Variants in CNTN4 observed in about 807,000 individuals in gnomAD.
CNTN4 encodes the protein contactin-4.
CNTN4 carries 77 observed loss-of-function variants against 122.5 expected under a neutral mutation model. The ratio of observed to expected loss-of-function variants is 0.63; its 90% CI spans 0.52 to 0.76. CNTN4 has a LOEUF of 0.76. Ranked by LOEUF, CNTN4 falls within the 30% of genes least tolerant of loss-of-function variation. The probability of loss-of-function intolerance (pLI) is 0.00; values close to 1 mark genes in which losing one functional copy is unlikely to be tolerated. For missense variants in CNTN4, 1,256 were observed against 1,259.1 expected (o/e 1.00, Z 0.04); for synonymous variants, 512 against 447.0 (o/e 1.15, Z -1.83).
chr3:2,193,467 C>G (rs528533335), intron 2 of CNTN4, among the ~76,000 whole-genome samples: 1 of 152,172 alleles, frequency 6.6e-6, no homozygotes, highest in East Asian at 1.9e-4. Flanking sequence ...ATGCTGGAAA[C>G]TTTTACTGGT....
chr3:2,700,629 T>C (rs963307705), intron 4 of CNTN4, among the ~76,000 whole-genome samples: 6 of 140,240 alleles, frequency 4.3e-5, no homozygotes, highest in Non-Finnish European at 9.1e-5. Flanking sequence ...TTCACTGAGA[T>C]AGAGTTAAAA....
At chr3:2,934,555 G>A (rs571825088) in intron 13 of CNTN4, among the ~76,000 whole-genome samples, 1 of 152,380 alleles carries the variant, frequency 6.6e-6, no homozygotes, top group Admixed American at 6.5e-5. Flanking sequence ...TATTTGCCCA[G>A]AAGGCCGATG....
intron 13 of CNTN4, among the ~76,000 whole-genome samples, chr3:2,984,991 G>T (rs1267755377): frequency 1.3e-5 from 2 of 152,204 alleles, no homozygotes; most frequent in African/African-American, 4.8e-5. Flanking sequence ...TTTTGTCAGT[G>T]CATCTGCTCC....
At chr3:3,002,582 T>C (rs1696160836) in intron 14 of CNTN4, among the ~76,000 whole-genome samples, 1 of 152,178 alleles carries the variant, frequency 6.6e-6, no homozygotes, top group African/African-American at 2.4e-5. Context: ...CAAAGAACAG[T>C]GAACTGAGGT....
At chr3:2,341,048 T>G (rs1257418196) in intron 3 of CNTN4, among the ~76,000 whole-genome samples, 1 of 152,106 alleles carries the variant, frequency 6.6e-6, no homozygotes, top group Non-Finnish European at 1.5e-5. Context: ...GCAACATTAT[T>G]CCAAGATACT....
chr3:2,909,936 T>C (rs960548365), intron 12 of CNTN4, among the ~76,000 whole-genome samples: 1 of 152,146 alleles, frequency 6.6e-6, no homozygotes, highest in Non-Finnish European at 1.5e-5. Context: ...CAGAGGGCTT[T>C]TGTTGTTGTT....
chr3:2,305,754 C>G (rs1037241763), intron 2 of CNTN4, among the ~76,000 whole-genome samples: 2 of 152,042 alleles, frequency 1.3e-5, no homozygotes, highest in Non-Finnish European at 2.9e-5. Flanking sequence ...TTTTCAAAAC[C>G]AAAGGAAACC....
chr3:3,018,109 T>C (rs1446119443), intron 14 of CNTN4, among the ~76,000 whole-genome samples: 4 of 151,452 alleles, frequency 2.6e-5, no homozygotes, highest in African/African-American at 7.4e-5. Context: ...CAGCGGAGAA[T>C]AGTAATTATA....
chr3:2,267,808 A>C (rs375315468), intron 2 of CNTN4, among the ~76,000 whole-genome samples: 6 of 152,100 alleles, frequency 3.9e-5, no homozygotes, highest in African/African-American at 1.4e-4. Context: ...TCTACCACCA[A>C]GAGTCACAGG....
Position 2,186,554 on chromosome 3 carries a change from A to C in CNTN4, c.-145+85915A>C, listed in dbSNP as rs533353402. 9.2e-5 allele frequency among the ~76,000 whole-genome samples: 14 copies of C among 152,318 alleles called. No individual in the cohort carries two copies. The East Asian group carries it at 2.5e-3, about 27-fold the overall frequency. On this transcript the variant is annotated intron_variant, in intron 2 of 24. Coordinates refer to ENST00000418658, the MANE Select transcript of CNTN4 (RefSeq NM_175607.3). Reference sequence around the variant, plus strand: ...TAGTTTACAGTCCCACCAGCAGTGTAAAAGTGTTCCTATTTCTCCACATCC... The same window carrying C: ...TAGTTTACAGTCCCACCAGCAGTGTCAAAGTGTTCCTATTTCTCCACATCC...
intron 4 of CNTN4, among the ~76,000 whole-genome samples, chr3:2,607,128 CTT>C (rs924571841): frequency 2.6e-5 from 4 of 152,050 alleles, no homozygotes; most frequent in African/African-American, 7.2e-5. Context: ...CCAAGGCCAC[CTT>C]TTTTTGGCAT....
intron 3 of CNTN4, among the ~76,000 whole-genome samples, chr3:2,451,570 C>A (rs1002933920): frequency 6.6e-6 from 1 of 151,288 alleles, no homozygotes; most frequent in Non-Finnish European, 1.5e-5. Context: ...AAGGAATTAC[C>A]AGTTTTTTAT....
chr3:2,270,820 T>C (rs893562013), intron 2 of CNTN4, among the ~76,000 whole-genome samples: 2 of 152,140 alleles, frequency 1.3e-5, no homozygotes, highest in African/African-American at 4.8e-5. Context: ...ATTCCACTCA[T>C]TTCTTACAGT....
intron 6 of CNTN4, among the ~76,000 whole-genome samples, chr3:2,781,171 C>G (rs769088950): frequency 2.0e-5 from 3 of 152,174 alleles, no homozygotes; most frequent in Non-Finnish European, 1.5e-5. Context: ...AATAAAGATG[C>G]TTTTCATCTT....
intron 2 of CNTN4, among the ~76,000 whole-genome samples, chr3:2,264,256 C>A (rs2040953399): frequency 6.6e-6 from 1 of 152,138 alleles, no homozygotes; most frequent in Non-Finnish European, 1.5e-5. Flanking sequence ...TTTCCCCTTT[C>A]TCTGCATTCT....
intron 2 of CNTN4, among the ~76,000 whole-genome samples, chr3:2,272,473 T>C (rs1169099214): frequency 3.3e-5 from 5 of 152,200 alleles, no homozygotes; most frequent in Non-Finnish European, 7.3e-5. Flanking sequence ...CAGCAATCAC[T>C]TACTGATGGA....
chr3:2,353,967 A>G (rs1485286900), intron 3 of CNTN4, among the ~76,000 whole-genome samples: 1 of 152,206 alleles, frequency 6.6e-6, no homozygotes, highest in African/African-American at 2.4e-5. Context: ...GACAATGATG[A>G]CAGCTTATAT....
At chr3:3,012,242 T>C (rs930313245) in intron 14 of CNTN4, among the ~76,000 whole-genome samples, 2 of 152,070 alleles carry the variant, frequency 1.3e-5, no homozygotes, top group African/African-American at 4.8e-5. Context: ...CTGGAAGAGG[T>C]TCTTTTACTT....
At chr3:2,822,566 A>G (rs1424994621) in intron 7 of CNTN4, among the ~76,000 whole-genome samples, 1 of 152,200 alleles carries the variant, frequency 6.6e-6, no homozygotes, top group Non-Finnish European at 1.5e-5. Flanking sequence ...AGATTTTACT[A>G]ATTTCTTCTG....
Sources: allele counts gnomAD v4.1 joint callset (sites outside exome capture counted in the v4.1 genomes callset), GRCh38; gene constraint gnomAD v4.1.1; transcripts MANE v1.5; gene names NCBI Gene and HGNC (gene_info 2026-07-23, HGNC 2026-07-21).